The following PRAG1 variants were observed in gnomAD, a reference collection of about 807,000 sequenced individuals.
PRAG1 encodes the protein PEAK1 related, kinase-activating pseudokinase 1, also known as inactive tyrosine-protein kinase PRAG1.
In PRAG1, 110 loss-of-function variants were observed where a neutral mutation model predicts 95.6. The observed-to-expected ratio is 1.15, with a 90% CI of 0.99 to 1.35. The LOEUF (loss-of-function observed/expected upper bound fraction) is 1.35, where lower values mean the gene tolerates loss of function less well. PRAG1 is among the 40% of genes most tolerant of loss of function. PRAG1 has a pLI of 0.00. For missense variants in PRAG1, 2,554 were observed against 1,864.7 expected (o/e 1.37, Z -6.81); for synonymous variants, 1,052 against 819.4 (o/e 1.28, Z -4.85).
intron 4 of PRAG1, among the ~76,000 whole-genome samples, chr8:8,330,008 G>A (rs1798769321): frequency 6.6e-6 from 1 of 152,176 alleles, no homozygotes; most frequent in South Asian, 2.1e-4. Context: ...AAAAGCCCTG[G>A]GGAGCTGAGC....
intron 5 of PRAG1, 133 bp downstream of exon 5, chr8:8,327,577 A>G (rs1005145284): frequency 1.8e-6 from 2 of 1,083,760 alleles, no homozygotes; most frequent in Non-Finnish European, 2.6e-6. Flanking sequence ...TCTTACAAGA[A>G]AAAAAAGAAT....
intron 3 of PRAG1, among the ~76,000 whole-genome samples, chr8:8,349,381 C>T (rs754188925): frequency 2.0e-5 from 3 of 151,928 alleles, no homozygotes; most frequent in Admixed American, 1.3e-4. Flanking sequence ...CCCGGGTTCA[C>T]GCCATTCTCC....
rs529528379 is a variant in PRAG1, at chr8:8,341,400, CCAGATA to C, written c.2163-1771_2163-1766del. On this transcript the variant is annotated intron_variant, in intron 3 of 5. Coordinates refer to ENST00000615670, the MANE Select transcript of PRAG1 (RefSeq NM_001080826.3). The stretch of plus-strand genomic sequence containing the variant: ...TAAAAGAAAGAACAATTCTCAGGTG[CCAGATA>C]CAAAGAGGGAACTCCACACACAGGC... Among the ~76,000 whole-genome samples, 182 of 152,230 alleles carry C rather than the reference CCAGATA, an allele frequency of 1.2e-3. 4 individuals are homozygous for C. In the Middle Eastern group the frequency reaches 0.027, roughly 23 times the overall value.
In PRAG1 at chr8:8,360,137, T is replaced by C. The variant is rs1230297655; in HGVS notation, c.2162+16110A>G. Among the ~76,000 whole-genome samples the C allele has an allele frequency of 5.3e-5, 8 of 152,250 alleles. No individual in the cohort carries two copies. In the East Asian group the frequency reaches 1.3e-3, roughly 26 times the overall value. ...CAAGGGCTCTTGGTGGGACTCGAAATAGAAAAGACAGAGCCCCTGACCCCT... is the reference window on the plus strand; with the variant it reads ...CAAGGGCTCTTGGTGGGACTCGAAACAGAAAAGACAGAGCCCCTGACCCCT... On this transcript the variant is annotated intron_variant, in intron 3 of 5. Transcript: ENST00000615670.
At chr8:8,346,569 G>A (rs1799349560) in intron 3 of PRAG1, among the ~76,000 whole-genome samples, 1 of 152,074 alleles carries the variant, frequency 6.6e-6, no homozygotes, top group Non-Finnish European at 1.5e-5. Context: ...TGGAAAGCTG[G>A]AAAAAAAGAC....
chr8:8,330,517 C>T (rs1224697402), intron 4 of PRAG1, among the ~76,000 whole-genome samples: 2 of 152,190 alleles, frequency 1.3e-5, no homozygotes, highest in African/African-American at 4.8e-5. Context: ...GGGCCCCTGG[C>T]AGCAAGGCTG....
At chr8:8,361,414 G>T (rs1033689172) in intron 3 of PRAG1, among the ~76,000 whole-genome samples, 8 of 152,180 alleles carry the variant, frequency 5.3e-5, no homozygotes, top group African/African-American at 1.2e-4. Context: ...GGTCCGGAAG[G>T]GGGTACAGGG....
In PRAG1 at chr8:8,327,768, T is replaced by C. The variant is rs1423254721; in HGVS notation, c.3014A>G (p.Asp1005Gly). 6.2e-7 allele frequency: 1 copy of C among 1,613,954 alleles called. No individual in the cohort carries two copies. Among genetic ancestry groups the C allele is most frequent in the Non-Finnish European group, 8.5e-7 (1 of 1,180,024 alleles). The change falls in exon 5 of 6, where the codon GAT (aspartate) becomes GGT (glycine). Residue 1005 changes from aspartate (D) to glycine (G), a missense_variant. Transcript: ENST00000615670. The stretch of plus-strand genomic sequence containing the variant: ...GCAGGTGGCACAGTAATAAATGGCA[T>C]CCCCCGAGTCACAGCAGGGCTTGTT... ...TCNKPCCDSG[D>G]AIYYCATCSE...
intron 3 of PRAG1, among the ~76,000 whole-genome samples, chr8:8,344,214 T>G (rs934413951): frequency 3.9e-5 from 6 of 152,184 alleles, no homozygotes; most frequent in African/African-American, 1.4e-4. Flanking sequence ...GCAAATAACC[T>G]TCTAAACTGT....
chr8:8,370,199 G>C (rs976795681), intron 3 of PRAG1, among the ~76,000 whole-genome samples: 1 of 152,204 alleles, frequency 6.6e-6, no homozygotes, highest in Admixed American at 6.5e-5. Context: ...CAATTTCAAT[G>C]GTCCCTGCTT....
At chr8:8,384,558 T>C (rs1011460051) in intron 1 of PRAG1, among the ~76,000 whole-genome samples, 4 of 137,818 alleles carry the variant, frequency 2.9e-5, no homozygotes, top group Non-Finnish European at 6.1e-5. Context: ...TGCATCCTGT[T>C]AAAACTGGTT....
At chr8:8,352,151 G>A (rs958310599) in intron 3 of PRAG1, among the ~76,000 whole-genome samples, 9 of 152,158 alleles carry the variant, frequency 5.9e-5, no homozygotes, top group African/African-American at 1.9e-4. Flanking sequence ...TAGCTTGAGA[G>A]GTTATTTGGA....
intron 2 of PRAG1, 112 bp from the exon 3 acceptor site, chr8:8,378,190 GC>G (rs1173674343): frequency 7.8e-7 from 1 of 1,276,822 alleles, no homozygotes; most frequent in African/African-American, 1.5e-5. Flanking sequence ...CTTCTGTAGT[GC>G]AGTGCAGGGG....
At chr8:8,332,860 A>G (rs1353334955) in intron 4 of PRAG1, among the ~76,000 whole-genome samples, 2 of 152,162 alleles carry the variant, frequency 1.3e-5, no homozygotes, top group African/African-American at 4.8e-5. Flanking sequence ...CTCTCCATAA[A>G]CATGGCCTTA....
intron 3 of PRAG1, among the ~76,000 whole-genome samples, chr8:8,371,525 C>T (rs1367468849): frequency 6.6e-5 from 10 of 152,004 alleles, no homozygotes; most frequent in African/African-American, 2.4e-4. Context: ...TACCAAAGTG[C>T]TAGGATTACA....
In PRAG1 at chr8:8,328,458, G is replaced by T. The variant is rs768976970; in HGVS notation, c.2324C>A (p.Pro775His). The T allele has an allele frequency of 6.8e-6, 11 of 1,613,198 alleles. No individual in the cohort carries two copies. The highest frequency in any genetic ancestry group is 1.7e-5 in the Admixed American group (1 of 59,974). ...GGGCGAGTGAGCCAGCTCAGACGAG[G>T]GACCTGAAGAGGAGAGACAGAAACC... ...SDSRTCSDGG[P>H]SSELAHSPTN... Residue 775 changes from proline to histidine, a missense_variant, in exon 5 of 6, where the codon CCC (proline) becomes CAC (histidine). Physicochemically the swap from Pro to His is moderately conservative, Grantham distance 77 (BLOSUM62 -2). Coordinates refer to ENST00000615670, the MANE Select transcript of PRAG1 (RefSeq NM_001080826.3).
chr8:8,319,713 C>T (rs1470166052), intron 5 of PRAG1, among the ~76,000 whole-genome samples: 1 of 151,636 alleles, frequency 6.6e-6, no homozygotes, highest in Non-Finnish European at 1.5e-5. Flanking sequence ...ACAAACAGCC[C>T]AATTAAAAAA....
intron 5 of PRAG1, among the ~76,000 whole-genome samples, chr8:8,323,291 T>C (rs953416816): frequency 2.0e-5 from 3 of 151,028 alleles, no homozygotes; most frequent in Non-Finnish European, 2.9e-5. Context: ...TGAGATCTGA[T>C]GGCTTTATAA....
At chr8:8,322,631 C>T (rs1798510511) in intron 5 of PRAG1, among the ~76,000 whole-genome samples, 1 of 152,142 alleles carries the variant, frequency 6.6e-6, no homozygotes, top group South Asian at 2.1e-4. Context: ...ACTGATAGGG[C>T]AGTCTCTTCA....
Sources: allele counts gnomAD v4.1 joint callset (sites outside exome capture counted in the v4.1 genomes callset), GRCh38; gene constraint gnomAD v4.1.1; transcripts MANE v1.5; gene names NCBI Gene and HGNC (gene_info 2026-07-23, HGNC 2026-07-21).